Variants in PTPRM observed in about 807,000 individuals in gnomAD.
PTPRM encodes protein tyrosine phosphatase receptor type M.
A neutral mutation model predicts 186.7 loss-of-function variants in PTPRM; 47 were observed. The ratio of observed to expected loss-of-function variants is 0.25; its 90% CI spans 0.20 to 0.32. The LOEUF (loss-of-function observed/expected upper bound fraction) is 0.32. PTPRM is among the 10% of genes least tolerant of loss of function. PTPRM has a pLI of 1.00. For missense variants in PTPRM, 1,494 were observed against 1,865.0 expected, an observed-to-expected ratio of 0.80 and a Z score of 3.66; for synonymous variants, 668 against 674.9, an observed-to-expected ratio of 0.99 and a Z score of 0.16.
chr18:7,952,115 T>A (rs1185574349), intron 6 of PTPRM, among the ~76,000 whole-genome samples: 4 of 152,232 alleles, frequency 2.6e-5, no homozygotes, highest in African/African-American at 9.6e-5. Flanking sequence ...CCTATTTAGT[T>A]ACGTTTCTAT....
chr18:7,930,143 A>T (rs2051395911), intron 5 of PTPRM, among the ~76,000 whole-genome samples: 1 of 152,024 alleles, frequency 6.6e-6, no homozygotes, highest in Admixed American at 6.5e-5. Context: ...ATCTCGGCTC[A>T]CTGCAGCCTC....
intron 22 of PTPRM, among the ~76,000 whole-genome samples, chr18:8,342,480 A>G (rs627146): frequency 0.48 from 73,290 of 151,724 alleles, 20,589 homozygotes; most frequent in Middle Eastern, 0.68. Context: ...CTCCAGCTCC[A>G]GCAATCTGAA....
intron 1 of PTPRM, among the ~76,000 whole-genome samples, chr18:7,669,074 G>A (rs1374108): frequency 0.19 from 28,342 of 151,824 alleles, 3,678 homozygotes; most frequent in African/African-American, 0.37. Flanking sequence ...CTGTTAGAGA[G>A]TGCTGGACTG....
At chr18:7,692,910 AAG>A (rs747772936) in intron 1 of PTPRM, among the ~76,000 whole-genome samples, 1 of 152,192 alleles carries the variant, frequency 6.6e-6, no homozygotes, top group African/African-American at 2.4e-5. Context: ...GCCAATGAGA[AAG>A]AGAGAGTTCA....
chr18:7,690,338 G>A (rs373085978), intron 1 of PTPRM, among the ~76,000 whole-genome samples: 1 of 152,200 alleles, frequency 6.6e-6, no homozygotes, highest in East Asian at 1.9e-4. Flanking sequence ...GTTTTAAACT[G>A]TAGTTAGGTT....
At chr18:7,936,727 G>A (rs898327046) in intron 5 of PTPRM, among the ~76,000 whole-genome samples, 3 of 152,206 alleles carry the variant, frequency 2.0e-5, no homozygotes, top group African/African-American at 7.2e-5. Context: ...CAGTCCTGCA[G>A]TTCGGGAGTG....
At chr18:7,907,644 A>C (rs2050058763) in intron 4 of PTPRM, among the ~76,000 whole-genome samples, 1 of 152,120 alleles carries the variant, frequency 6.6e-6, no homozygotes, top group Admixed American at 6.5e-5. Context: ...ATGCCTGGCA[A>C]TTGGTGTCAC....
intron 7 of PTPRM, among the ~76,000 whole-genome samples, chr18:7,978,523 G>A (rs1028578817): frequency 6.6e-6 from 1 of 152,132 alleles, no homozygotes; most frequent in African/African-American, 2.4e-5. Context: ...TAGTGAAGTG[G>A]TCACGTTAAT....
At chr18:7,765,719 G>A (rs1009539296) in intron 1 of PTPRM, among the ~76,000 whole-genome samples, 1 of 152,020 alleles carries the variant, frequency 6.6e-6, no homozygotes, top group Non-Finnish European at 1.5e-5. Flanking sequence ...AATTCTTTTG[G>A]GGGGTACTGT....
At chr18:7,746,482 T>G (rs2144555922) in intron 1 of PTPRM, among the ~76,000 whole-genome samples, 1 of 152,280 alleles carries the variant, frequency 6.6e-6, no homozygotes, top group East Asian at 1.9e-4. Flanking sequence ...TCTTTTTTTC[T>G]TGAGAAGAAG....
At chr18:8,181,351 T>C (rs2093571608) in intron 14 of PTPRM, among the ~76,000 whole-genome samples, 1 of 152,194 alleles carries the variant, frequency 6.6e-6, no homozygotes, top group Non-Finnish European at 1.5e-5. Flanking sequence ...GCGTGGCAAT[T>C]GCTGGAGGCA....
intron 7 of PTPRM, among the ~76,000 whole-genome samples, chr18:7,960,936 G>A (rs1223991283): frequency 1.3e-5 from 2 of 152,006 alleles, no homozygotes; most frequent in African/African-American, 4.8e-5. Context: ...CCATCTTAAC[G>A]AGTTTTAAGT....
rs59536117 is a variant in PTPRM, at chr18:7,642,974, A to G, written c.73+75083A>G. ...GATAGTATTTGGGAAGGTGAACTTC[A>G]TTTGCAGGTTTTATAAAACTTATTT... On this transcript the variant is annotated intron_variant, in intron 1 of 32. Coordinates refer to ENST00000580170, the MANE Select transcript of PTPRM (RefSeq NM_001105244.2). 6.4e-3 allele frequency among the ~76,000 whole-genome samples: 966 copies of G among 151,902 alleles called. 13 individuals are homozygous for G. Among genetic ancestry groups the G allele is most frequent in the African/African-American group, 0.022 (922 of 41,482 alleles).
intron 2 of PTPRM, among the ~76,000 whole-genome samples, chr18:7,783,220 G>A (rs1273458350): frequency 6.6e-6 from 1 of 152,138 alleles, no homozygotes; most frequent in Admixed American, 6.5e-5. Context: ...TCAGCAAGGG[G>A]ATGGTTATGC....
At chr18:7,726,506 C>A (rs1175076241) in intron 1 of PTPRM, among the ~76,000 whole-genome samples, 4 of 152,100 alleles carry the variant, frequency 2.6e-5, no homozygotes, top group African/African-American at 4.8e-5. Flanking sequence ...CTTTTACTTG[C>A]ACACTTCTGG....
intron 21 of PTPRM, 98 bp from the exon 22 acceptor site, chr18:8,319,080 C>T (rs370963454): frequency 1.3e-5 from 10 of 785,776 alleles, no homozygotes; most frequent in Non-Finnish European, 1.7e-5. Flanking sequence ...CAGCTATTGG[C>T]GTTTGTGTGC....
At chr18:8,330,619 G>T (rs1310421922) in intron 22 of PTPRM, among the ~76,000 whole-genome samples, 1 of 151,322 alleles carries the variant, frequency 6.6e-6, no homozygotes, top group East Asian at 2.0e-4. Flanking sequence ...AGATCCTTTG[G>T]GTCACCAAAC....
Position 7,772,645 on chromosome 18 carries a change from A to C in PTPRM, c.74-1504A>C, listed in dbSNP as rs2042383632. Among the ~76,000 whole-genome samples the C allele has an allele frequency of 2.0e-5, 3 of 151,962 alleles. No homozygotes were observed. In the South Asian group the frequency reaches 6.2e-4, roughly 32 times the overall value. On this transcript the variant is annotated intron_variant, in intron 1 of 32. Coordinates refer to ENST00000580170, the MANE Select transcript of PTPRM (RefSeq NM_001105244.2). ...AATTCTGAGTGCCTCATCTATTCAG[A>C]GGCTGGCTGGCTGGCTGGGAAGTTG...
rs1568129879 is a variant in PTPRM at position 7,984,790 on chromosome 18, C to CATATATAAATATAT, written c.1132+29377_1132+29378insTATATAAATATATA. ...ATATATACACATAAAATTATATACA[C>CATATATAAATATAT]ACATATAAATATATACATATAAAAT... On this transcript the variant is annotated intron_variant, in intron 7 of 32. Coordinates refer to ENST00000580170, the MANE Select transcript of PTPRM (RefSeq NM_001105244.2). Among the ~76,000 whole-genome samples, 515 of 132,404 alleles carry CATATATAAATATAT rather than the reference C, an allele frequency of 3.9e-3. 130 individuals are homozygous for CATATATAAATATAT. The highest frequency in any genetic ancestry group is 0.014 in the African/African-American group (474 of 34,602). The allele number at this position is 132,404 out of a possible 152,430, so 86.9% of individuals were successfully genotyped here. A position where few individuals can be genotyped will look rare whatever the true frequency, so the allele number is the denominator to read the frequency against.
Sources: allele counts gnomAD v4.1 joint callset (sites outside exome capture counted in the v4.1 genomes callset), GRCh38; gene constraint gnomAD v4.1.1; transcripts MANE v1.5; gene names NCBI Gene and HGNC (gene_info 2026-07-23, HGNC 2026-07-21).